The following HMCN1 variants were observed in gnomAD, a reference collection of about 807,000 sequenced individuals.
The protein encoded by HMCN1 is hemicentin-1.
In HMCN1, 321 loss-of-function variants were observed where a neutral mutation model predicts 625.9. The ratio of observed to expected loss-of-function variants is 0.51; its 90% CI spans 0.47 to 0.56. HMCN1 has a LOEUF of 0.56. Ranked by LOEUF, HMCN1 falls within the 20% of genes least tolerant of loss-of-function variation. The pLI is 0.00. For missense variants in HMCN1, 6,588 were observed against 6,887.3 expected (o/e 0.96, Z 1.54); for synonymous variants, 2,425 against 2,417.6 (o/e 1.00, Z -0.09).
At chr1:185,906,089 T>C (rs1360241091) in intron 4 of HMCN1, among the ~76,000 whole-genome samples, 2 of 151,810 alleles carry the variant, frequency 1.3e-5, no homozygotes, top group African/African-American at 4.8e-5. Context: ...TCATTTCTAA[T>C]CTCATGAGAA....
chr1:185,959,232 A>T (rs1239284318), intron 11 of HMCN1, among the ~76,000 whole-genome samples: 1 of 152,200 alleles, frequency 6.6e-6, no homozygotes, highest in Non-Finnish European at 1.5e-5. Context: ...GAAATTTCTT[A>T]CCAGAAGCTT....
At chr1:185,794,601 A>ATTTTTT (rs34098989) in intron 1 of HMCN1, among the ~76,000 whole-genome samples, 7 of 111,208 alleles carry the variant, frequency 6.3e-5, no homozygotes, top group African/African-American at 1.8e-4. Context: ...GTCTTTACAC[A>ATTTTTT]TTTTTTTTTT....
intron 1 of HMCN1, among the ~76,000 whole-genome samples, chr1:185,748,338 A>G (rs1027875214): frequency 6.6e-6 from 1 of 152,040 alleles, no homozygotes; most frequent in Non-Finnish European, 1.5e-5. Flanking sequence ...TTTGCCTTGA[A>G]GTTGTCTCCC....
intron 4 of HMCN1, among the ~76,000 whole-genome samples, chr1:185,872,131 T>C (rs991859887): frequency 3.3e-5 from 5 of 152,204 alleles, no homozygotes; most frequent in Non-Finnish European, 5.9e-5. Context: ...TGAATTCACC[T>C]GTGGAAAATG....
At chr1:186,087,687 G>T in intron 60 of HMCN1, 42 bp downstream of exon 60, 1 of 1,570,068 alleles carries the variant, frequency 6.4e-7, no homozygotes, top group Non-Finnish European at 8.8e-7. Flanking sequence ...ACACCTTGGT[G>T]GGGTGGTGGA....
chr1:186,049,695 G>A (rs976264951), intron 42 of HMCN1, among the ~76,000 whole-genome samples: 6 of 151,808 alleles, frequency 4.0e-5, no homozygotes, highest in Non-Finnish European at 5.9e-5. Context: ...GAGATTATAA[G>A]CTGAATTTAC....
chr1:186,038,964 C>T lies in HMCN1; in HGVS notation c.5987C>T (p.Ser1996Leu). The T allele has an allele frequency of 1.2e-6, 2 of 1,612,956 alleles. No homozygotes were observed. The highest frequency in any genetic ancestry group is 1.7e-6 in the Non-Finnish European group (2 of 1,179,082). The change falls in exon 38 of 107, where the codon TCA becomes TTA. Residue 1996 changes from serine to leucine, a missense_variant. By Grantham distance (145) the Ser-to-Leu change is moderately radical. Around this residue, in one of 3 missense-constraint regions of HMCN1, gnomAD observed 4,628 missense variants for 4,853.1 expected, o/e 0.95. Coordinates refer to ENST00000271588, the MANE Select transcript of HMCN1 (RefSeq NM_031935.3). ...AGIYKCVAIN[S>L]AGATELFYSL... ...ATATATAAATGCGTGGCCATCAACTCAGCTGGAGCTACAGAGTTATTTTAC... is the reference window on the plus strand; with the variant it reads ...ATATATAAATGCGTGGCCATCAACTTAGCTGGAGCTACAGAGTTATTTTAC...
chr1:186,098,998 C>G (rs1660269630), intron 68 of HMCN1, among the ~76,000 whole-genome samples: 1 of 151,982 alleles, frequency 6.6e-6, no homozygotes. Flanking sequence ...GTGAATAGGA[C>G]AGTGGTTACC....
At chr1:186,023,307 A>G (rs1187948761) in intron 36 of HMCN1, among the ~76,000 whole-genome samples, 154 bp downstream of exon 36, 2 of 142,432 alleles carry the variant, frequency 1.4e-5, no homozygotes, top group African/African-American at 5.3e-5. Context: ...TTTTTTTTAC[A>G]TTATTGTAAT....
rs778613390 is a variant in HMCN1 at position 186,128,157 on chromosome 1, A to G, written c.12770A>G (p.His4257Arg). 18 of 1,613,580 alleles carry G rather than the reference A, an allele frequency of 1.1e-5. No homozygotes were observed. The highest frequency in any genetic ancestry group is 1.4e-5 in the Non-Finnish European group (16 of 1,179,772). ...ACACACACTGTCAGCCTGACTGTGC[A>G]TGTTCTCCCCACTTTTACTGAACTT... ...EDTHTVSLTV[H>R]VLPTFTELPG... is the part of the protein sequence containing the mutation. Residue 4257 changes from histidine (H) to arginine (R), a missense_variant, in exon 83 of 107, where the codon CAT becomes CGT. Coordinates refer to ENST00000271588, the MANE Select transcript of HMCN1 (RefSeq NM_031935.3).
chr1:185,891,510 T>A (rs1227183423), intron 4 of HMCN1, among the ~76,000 whole-genome samples: 1 of 147,960 alleles, frequency 6.8e-6, no homozygotes, highest in Non-Finnish European at 1.5e-5. Flanking sequence ...GGCCTGGTCG[T>A]GACAAAATCT....
rs557544886 is a variant in HMCN1 at position 185,891,450 on chromosome 1, C to T, written c.622-17887C>T. Among the ~76,000 whole-genome samples the T allele has an allele frequency of 8.0e-3, 1,185 of 148,098 alleles. 141 individuals are homozygous for T. The highest frequency in any genetic ancestry group is 0.028 in the African/African-American group (1,063 of 37,552). The stretch of plus-strand genomic sequence containing the variant: ...GGCATGATTTTGCAGCGGCTGGTAC[C>T]GGTTGTTCCTTTCATGTTTAGTGCT... On this transcript the variant is annotated intron_variant, in intron 4 of 106. Coordinates refer to ENST00000271588, the MANE Select transcript of HMCN1 (RefSeq NM_031935.3).
chr1:185,969,560 T>G (rs2102574386), intron 14 of HMCN1, among the ~76,000 whole-genome samples: 1 of 152,288 alleles, frequency 6.6e-6, no homozygotes, highest in African/African-American at 2.4e-5. Context: ...CAAGGTCAGA[T>G]GGCTGGTGTA....
chr1:185,800,312 A>T (rs900580163), intron 1 of HMCN1, among the ~76,000 whole-genome samples: 5 of 151,748 alleles, frequency 3.3e-5, no homozygotes, highest in African/African-American at 1.2e-4. Flanking sequence ...CCCTTAGACG[A>T]TCTAGTTGAA....
chr1:186,117,676 C>T, intron 77 of HMCN1, 53 bp downstream of exon 77: 3 of 1,514,342 alleles, frequency 2.0e-6, no homozygotes, highest in Admixed American at 1.7e-5. Flanking sequence ...TTTATTGATG[C>T]ATATTCTTAC....
intron 58 of HMCN1, 67 bp from the exon 59 acceptor site, chr1:186,087,150 G>T (rs2059311135): frequency 5.2e-6 from 5 of 958,960 alleles, no homozygotes; most frequent in African/African-American, 4.8e-5. Flanking sequence ...CTATTTATCT[G>T]ATTGGTAAAA....
At chr1:185,887,193 G>A (rs915936188) in intron 4 of HMCN1, among the ~76,000 whole-genome samples, 2 of 151,980 alleles carry the variant, frequency 1.3e-5, no homozygotes, top group African/African-American at 4.8e-5. Context: ...TAAGTCTGCA[G>A]TACTTACTAT....
At chr1:185,975,659 AAT>A (rs1313757637) in intron 15 of HMCN1, among the ~76,000 whole-genome samples, 1 of 151,872 alleles carries the variant, frequency 6.6e-6, no homozygotes, top group Non-Finnish European at 1.5e-5. Flanking sequence ...ATATGTTTAA[AAT>A]ATGTTTATTT....
intron 14 of HMCN1, among the ~76,000 whole-genome samples, chr1:185,969,267 T>C (rs1650631562): frequency 1.3e-5 from 2 of 152,186 alleles, no homozygotes; most frequent in Non-Finnish European, 1.5e-5. Context: ...ACGTGGTATG[T>C]AGTAGCGAGT....
Sources: gnomAD v4.1 joint callset for allele counts (sites outside exome capture counted in the v4.1 genomes callset) on GRCh38, gnomAD v4.1.1 for gene constraint, gnomAD v4.1.1 regional missense constraint, MANE v1.5 for transcripts, NCBI Gene and HGNC (gene_info 2026-07-23, HGNC 2026-07-21) for gene names.